RAD18: variants seen among roughly 807,000 people sequenced by gnomAD.
The protein encoded by RAD18 is E3 ubiquitin-protein ligase RAD18.
Under a neutral mutation model 60.4 loss-of-function variants are expected in RAD18, and 47 were observed. The observed-to-expected ratio is 0.78, with a 90% CI of 0.62 to 0.99. The LOEUF is 0.99. Ranked by LOEUF, RAD18 falls within the 50% of genes least tolerant of loss-of-function variation. The pLI is 0.00. For missense variants in RAD18, 640 were observed against 593.3 expected, an observed-to-expected ratio of 1.08 and a Z score of -0.82; for synonymous variants, 225 against 195.5, an observed-to-expected ratio of 1.15 and a Z score of -1.26.
rs949407962 is a variant in RAD18 at position 8,919,072 on chromosome 3, T to C, written c.890-5352A>G. Reference sequence around the variant, plus strand: ...CATGTGAAATTGTTTACAATTAATATGCCAAAAGGTTTGAAAACTGAACCA... The same window carrying C: ...CATGTGAAATTGTTTACAATTAATACGCCAAAAGGTTTGAAAACTGAACCA... On this transcript the variant is annotated intron_variant, in intron 7 of 12. Transcript: ENST00000264926. 2.0e-5 allele frequency among the ~76,000 whole-genome samples: 3 copies of C among 152,194 alleles called. 1 individual carries two copies. Among genetic ancestry groups the C allele is most frequent in the African/African-American group, 7.2e-5 (3 of 41,434 alleles).
chr3:8,937,778 C>G (rs1158350700), intron 6 of RAD18, among the ~76,000 whole-genome samples: 1 of 152,174 alleles, frequency 6.6e-6, no homozygotes, highest in African/African-American at 2.4e-5. Flanking sequence ...TGTAGGACTT[C>G]TCAAAGCCTT....
At chr3:8,929,680 T>C (rs1424872641) in intron 7 of RAD18, among the ~76,000 whole-genome samples, 1 of 151,286 alleles carries the variant, frequency 6.6e-6, no homozygotes, top group Admixed American at 6.6e-5. Context: ...CTCACTCTGT[T>C]GCCCAGACTG....
chr3:8,914,869 T>G (rs906283962), intron 7 of RAD18, among the ~76,000 whole-genome samples: 1 of 152,188 alleles, frequency 6.6e-6, no homozygotes, highest in African/African-American at 2.4e-5. Flanking sequence ...CCAGGCGCAG[T>G]GGCTCACGCC....
intron 2 of RAD18, among the ~76,000 whole-genome samples, chr3:8,954,793 C>T (rs1940981033): frequency 6.6e-6 from 1 of 152,244 alleles, no homozygotes; most frequent in East Asian, 1.9e-4. Flanking sequence ...CAAGATGATA[C>T]CAGAACATGA....
chr3:8,881,987 G>A (rs915185106), intron 12 of RAD18, among the ~76,000 whole-genome samples: 2 of 152,184 alleles, frequency 1.3e-5, no homozygotes, highest in Non-Finnish European at 2.9e-5. Flanking sequence ...CTTAAATACA[G>A]GCTAGTATTG....
At chr3:8,930,073 A>T (rs1218417373) in intron 7 of RAD18, among the ~76,000 whole-genome samples, 4 of 152,240 alleles carry the variant, frequency 2.6e-5, no homozygotes, top group African/African-American at 9.6e-5. Context: ...ACTCTTAGGT[A>T]AAGACACAAT....
At chr3:8,896,136 G>C (rs1939778156) in intron 11 of RAD18, among the ~76,000 whole-genome samples, 1 of 152,102 alleles carries the variant, frequency 6.6e-6, no homozygotes, top group South Asian at 2.1e-4. Context: ...CCCAGAACCA[G>C]GGTTTTCTGT....
chr3:8,927,449 T>G (rs1055083345), intron 7 of RAD18, among the ~76,000 whole-genome samples: 3 of 152,212 alleles, frequency 2.0e-5, no homozygotes, highest in Non-Finnish European at 4.4e-5. Flanking sequence ...GGAACACTTT[T>G]ACACTGTTGG....
At chr3:8,922,141 T>G (rs956843784) in intron 7 of RAD18, among the ~76,000 whole-genome samples, 1 of 152,194 alleles carries the variant, frequency 6.6e-6, no homozygotes, top group African/African-American at 2.4e-5. Context: ...GGGCGAGGCA[T>G]CGCCTCACCG....
chr3:8,926,807 G>GTTATT (rs1940446975), intron 7 of RAD18, among the ~76,000 whole-genome samples: 1 of 152,160 alleles, frequency 6.6e-6, no homozygotes, highest in Non-Finnish European at 1.5e-5. Flanking sequence ...AAGAAATGGG[G>GTTATT]AAAGGATTCC....
intron 11 of RAD18, among the ~76,000 whole-genome samples, chr3:8,895,432 T>C (rs538175631): frequency 6.6e-6 from 1 of 152,354 alleles, no homozygotes; most frequent in African/African-American, 2.4e-5. Flanking sequence ...GTTTTTTCTC[T>C]CAATTTGACC....
intron 7 of RAD18, among the ~76,000 whole-genome samples, chr3:8,924,061 A>G (rs1370812077): frequency 6.6e-6 from 1 of 152,216 alleles, no homozygotes; most frequent in African/African-American, 2.4e-5. Flanking sequence ...TTCACACATA[A>G]TATTAACTTT....
chr3:8,911,277 G>A (rs1940099969), intron 9 of RAD18, among the ~76,000 whole-genome samples: 2 of 152,120 alleles, frequency 1.3e-5, no homozygotes, highest in Admixed American at 1.3e-4. Context: ...CTTAATATGG[G>A]AGGATTATTA....
intron 5 of RAD18, 83 bp downstream of exon 5, chr3:8,941,384 C>T (rs1940743423): frequency 8.2e-7 from 1 of 1,213,332 alleles, no homozygotes; most frequent in Non-Finnish European, 1.1e-6. Flanking sequence ...CATTCCTTCC[C>T]CCTCAAAGAT....
intron 2 of RAD18, among the ~76,000 whole-genome samples, chr3:8,951,951 C>T (rs911138422): frequency 6.6e-6 from 1 of 152,176 alleles, no homozygotes. Context: ...TGAGGAGTGA[C>T]CATAAGCTCC....
chr3:8,911,574 A>T (rs1940105953), intron 9 of RAD18, among the ~76,000 whole-genome samples: 1 of 151,964 alleles, frequency 6.6e-6, no homozygotes, highest in Admixed American at 6.6e-5. Flanking sequence ...AGCAAGGCAC[A>T]GGCAATCACA....
intron 6 of RAD18, among the ~76,000 whole-genome samples, 162 bp from the exon 7 acceptor site, chr3:8,936,217 GTGTC>G (rs1390019692): frequency 2.0e-5 from 3 of 152,212 alleles, no homozygotes. Context: ...ATAAAGTTGA[GTGTC>G]TGACATGATG....
chr3:8,938,929 T>G (rs573412167), intron 6 of RAD18, among the ~76,000 whole-genome samples: 5 of 152,268 alleles, frequency 3.3e-5, no homozygotes, highest in African/African-American at 1.2e-4. Flanking sequence ...TGGACTAGCA[T>G]GAGAAATTAC....
At chr3:8,923,545 A>T (rs537958189) in intron 7 of RAD18, among the ~76,000 whole-genome samples, 1 of 152,080 alleles carries the variant, frequency 6.6e-6, no homozygotes, top group East Asian at 1.9e-4. Context: ...CAACATTCAC[A>T]TTCAGGAAAT....
Sources: gnomAD v4.1 joint callset for allele counts (sites outside exome capture counted in the v4.1 genomes callset) on GRCh38, gnomAD v4.1.1 for gene constraint, MANE v1.5 for transcripts, NCBI Gene and HGNC (gene_info 2026-07-23, HGNC 2026-07-21) for gene names.